LRMDA: variants seen among roughly 807,000 people sequenced by gnomAD.
LRMDA encodes leucine rich melanocyte differentiation associated, also known as leucine-rich melanocyte differentiation-associated protein.
Under a neutral mutation model 29.8 loss-of-function variants are expected in LRMDA, and 18 were observed. The observed-to-expected ratio is 0.60, with a 90% CI of 0.42 to 0.90. LRMDA has a LOEUF of 0.90. Among genes scored for constraint, LRMDA ranks in the 40% least tolerant of loss-of-function variants. The pLI, the probability that LRMDA is intolerant of heterozygous loss-of-function variation, is 0.00. For missense variants in LRMDA, 273 were observed against 273.9 expected (o/e 1.00, Z 0.02); for synonymous variants, 125 against 109.4 (o/e 1.14, Z -0.89).
intron 5 of LRMDA, among the ~76,000 whole-genome samples, chr10:76,181,331 C>T (rs1851045866): frequency 6.6e-6 from 1 of 152,210 alleles, no homozygotes; most frequent in African/African-American, 2.4e-5. Flanking sequence ...TGCTTTTCCC[C>T]AGGATCTCAG....
At chr10:76,430,105 A>G (rs1273663244) in intron 6 of LRMDA, among the ~76,000 whole-genome samples, 2 of 152,162 alleles carry the variant, frequency 1.3e-5, no homozygotes, top group Non-Finnish European at 2.9e-5. Flanking sequence ...ATTTTGTTTC[A>G]TATTTAAACA....
At chr10:76,060,485 G>A (rs1848686573) in intron 5 of LRMDA, among the ~76,000 whole-genome samples, 1 of 152,184 alleles carries the variant, frequency 6.6e-6, no homozygotes, top group East Asian at 1.9e-4. Flanking sequence ...AGGGAACTGA[G>A]GGCTGGAGAA....
chr10:75,491,307 T>G (rs1390559855), intron 2 of LRMDA, among the ~76,000 whole-genome samples: 1 of 152,210 alleles, frequency 6.6e-6, no homozygotes, highest in Non-Finnish European at 1.5e-5. Flanking sequence ...TGAATTTGCC[T>G]GAATTAATTA....
At chr10:75,565,516 G>A (rs1840360681) in intron 2 of LRMDA, among the ~76,000 whole-genome samples, 1 of 152,194 alleles carries the variant, frequency 6.6e-6, no homozygotes, top group Non-Finnish European at 1.5e-5. Context: ...CAAAGATAAA[G>A]TCTGTCAACA....
At chr10:75,822,424 G>A (rs999562957) in intron 2 of LRMDA, among the ~76,000 whole-genome samples, 7 of 151,890 alleles carry the variant, frequency 4.6e-5, no homozygotes, top group East Asian at 1.9e-4. Context: ...AATTCCTGTC[G>A]AACTACCAAT....
At chr10:76,494,450 T>G (rs1842863336) in intron 6 of LRMDA, among the ~76,000 whole-genome samples, 1 of 151,750 alleles carries the variant, frequency 6.6e-6, no homozygotes, top group South Asian at 2.1e-4. Flanking sequence ...CCCTTAAATT[T>G]CCATAGCATG....
intron 2 of LRMDA, among the ~76,000 whole-genome samples, chr10:75,683,932 C>T (rs747613415): frequency 6.6e-5 from 10 of 152,202 alleles, no homozygotes; most frequent in African/African-American, 2.4e-4. Flanking sequence ...TTCTGGAATG[C>T]TGCCTCCTGC....
At chr10:75,883,496 A>C (rs1266505382) in intron 2 of LRMDA, 2 of 152,170 alleles carry the variant, frequency 1.3e-5, no homozygotes, top group Admixed American at 1.3e-4. Context: ...CATCTTCATT[A>C]CATGTTAATA....
Position 76,055,063 on chromosome 10 carries a change from C to CAAAAA in LRMDA, c.399-3576_399-3572dup, listed in dbSNP as rs531729040. Among the ~76,000 whole-genome samples the CAAAAA allele has an allele frequency of 5.6e-3, 257 of 45,940 alleles. 1 individual carries two copies. The highest frequency in any genetic ancestry group is 0.03 in the East Asian group (28 of 934). The allele number at this position is 45,940 out of a possible 152,430, so 30.1% of individuals were successfully genotyped here. A position where few individuals can be genotyped will look rare whatever the true frequency, so the allele number is the denominator to read the frequency against. On this transcript the variant is annotated intron_variant, in intron 4 of 6. Transcript: ENST00000611255. ...TGGGCAACAGAGCAAGACTCCATCT[C>CAAAAA]AAAAAAAAAAAAAAAAAAAAAAAAA...
In LRMDA at chr10:75,435,911, C is replaced by T. The variant is rs185948664; in HGVS notation, c.31-2483C>T. Among the ~76,000 whole-genome samples, 478 of 152,256 alleles carry T rather than the reference C, an allele frequency of 3.1e-3. 5 individuals carry two copies. The highest frequency in any genetic ancestry group is 0.011 in the African/African-American group (455 of 41,554). Reference sequence around the variant, plus strand: ...AACATGATGATAGATGCACCACTGGCATTTGCTGATCAAGAAAACTCATGT... The same window carrying T: ...AACATGATGATAGATGCACCACTGGTATTTGCTGATCAAGAAAACTCATGT... On this transcript the variant is annotated intron_variant, in intron 1 of 6. Coordinates refer to ENST00000611255, the MANE Select transcript of LRMDA (RefSeq NM_001305581.2).
At chr10:75,491,925 G>T (rs188729347) in intron 2 of LRMDA, among the ~76,000 whole-genome samples, 5 of 152,320 alleles carry the variant, frequency 3.3e-5, no homozygotes, top group Admixed American at 3.3e-4. Context: ...CAAGCATAGG[G>T]TTGATATCCT....
chr10:76,128,413 T>TGGGA (rs1434203604), intron 5 of LRMDA, among the ~76,000 whole-genome samples: 2 of 151,944 alleles, frequency 1.3e-5, no homozygotes, highest in African/African-American at 2.4e-5. Flanking sequence ...AGGTCAAGAG[T>TGGGA]GGGAGGTGGC....
chr10:75,522,071 T>C (rs543211833), intron 2 of LRMDA, among the ~76,000 whole-genome samples: 4 of 152,308 alleles, frequency 2.6e-5, no homozygotes, highest in Admixed American at 2.6e-4. Flanking sequence ...AGTGGTGGTG[T>C]CAATGGTGGG....
chr10:76,344,128 T>C (rs1589144692), intron 6 of LRMDA, among the ~76,000 whole-genome samples: 1 of 152,044 alleles, frequency 6.6e-6, no homozygotes, highest in East Asian at 1.9e-4. Context: ...GGCCAGGTGA[T>C]TTTTGCACTT....
At chr10:75,778,139 G>A (rs1046124918) in intron 2 of LRMDA, among the ~76,000 whole-genome samples, 3 of 152,012 alleles carry the variant, frequency 2.0e-5, no homozygotes, top group African/African-American at 7.2e-5. Context: ...GTACAGTGAC[G>A]TGATCTTGGC....
At chr10:75,851,437 A>G (rs190315236) in intron 2 of LRMDA, among the ~76,000 whole-genome samples, 1 of 151,872 alleles carries the variant, frequency 6.6e-6, no homozygotes, top group East Asian at 1.9e-4. Flanking sequence ...CCAACTCAAA[A>G]CTCATCAACT....
chr10:76,001,962 A>G (rs1847570612), intron 2 of LRMDA, among the ~76,000 whole-genome samples: 2 of 152,114 alleles, frequency 1.3e-5, no homozygotes, highest in Non-Finnish European at 2.9e-5. Context: ...GCTCAAGAAG[A>G]ACTGCCGTTT....
intron 6 of LRMDA, among the ~76,000 whole-genome samples, chr10:76,510,128 T>C (rs1842995446): frequency 6.6e-6 from 1 of 152,094 alleles, no homozygotes; most frequent in African/African-American, 2.4e-5. Context: ...TGGAGTGGAG[T>C]GGCACGATCT....
At chr10:76,288,867 G>A (rs1053849844) in intron 5 of LRMDA, among the ~76,000 whole-genome samples, 6 of 152,138 alleles carry the variant, frequency 3.9e-5, no homozygotes, top group Non-Finnish European at 5.9e-5. Context: ...ACATGATGGA[G>A]GGCCAGCCCC....
Sources: gnomAD v4.1 joint callset for allele counts (sites outside exome capture counted in the v4.1 genomes callset) on GRCh38, gnomAD v4.1.1 for gene constraint, MANE v1.5 for transcripts, NCBI Gene and HGNC (gene_info 2026-07-23, HGNC 2026-07-21) for gene names.